The following SMG6 variants were observed in gnomAD, a reference collection of about 807,000 sequenced individuals.
SMG6 encodes the protein telomerase-binding protein EST1A.
In SMG6, 66 loss-of-function variants were observed where a neutral mutation model predicts 142.2. The observed-to-expected ratio is 0.46, with a 90% CI of 0.38 to 0.57. SMG6 has a LOEUF of 0.57. Ranked by LOEUF, SMG6 falls within the 20% of genes least tolerant of loss-of-function variation. The pLI, the probability that SMG6 is intolerant of heterozygous loss-of-function variation, is 0.00. For missense variants in SMG6, 1,793 were observed against 1,832.0 expected, an observed-to-expected ratio of 0.98 and a Z score of 0.39; for synonymous variants, 779 against 702.4, an observed-to-expected ratio of 1.11 and a Z score of -1.72.
chr17:2,085,383 T>C lies in SMG6; in HGVS notation c.3534+342A>G, dbSNP rs367706287. On this transcript the variant is annotated intron_variant, in intron 14 of 18. Coordinates refer to ENST00000263073, the MANE Select transcript of SMG6 (RefSeq NM_017575.5). This position sits in a 1 kb window ranked among gnomAD's most constrained non-coding sequence, Gnocchi z 4.1. Reference sequence around the variant, plus strand: ...GGCTGGAGTTCAGGCCTGTGCTGCATTGGGCTCCACACATCTATAAACTTG... The same window carrying C: ...GGCTGGAGTTCAGGCCTGTGCTGCACTGGGCTCCACACATCTATAAACTTG... 1.1e-4 allele frequency among the ~76,000 whole-genome samples: 16 copies of C among 152,294 alleles called. No homozygotes were observed. Among genetic ancestry groups the C allele is most frequent in the South Asian group, 8.3e-4 (4 of 4,830 alleles).
chr17:2,302,399 G>A (rs1310864912), intron 1 of SMG6, among the ~76,000 whole-genome samples: 2 of 152,182 alleles, frequency 1.3e-5, no homozygotes, highest in African/African-American at 4.8e-5. Flanking sequence ...AAATTAGCCA[G>A]GCGTGGTGGC....
intron 13 of SMG6, chr17:2,128,026 G>A (rs369139276): frequency 2.3e-6 from 1 of 441,502 alleles, no homozygotes; most frequent in Admixed American, 2.8e-5. Flanking sequence ...CCTACTCCCA[G>A]AAGAGCTGAA....
chr17:2,216,025 C>G (rs539409580), intron 10 of SMG6: 1 of 152,294 alleles, frequency 6.6e-6, no homozygotes, highest in African/African-American at 2.4e-5. Context: ...CAGTGCATCT[C>G]GCGCTCTCCC....
At chr17:2,094,647 A>C (rs2068809113) in intron 13 of SMG6, 1 of 152,138 alleles carries the variant, frequency 6.6e-6, no homozygotes, top group South Asian at 2.1e-4. Context: ...AGCCTCCCAA[A>C]GTGCTGGGAT....
Position 2,204,878 on chromosome 17 carries a change from G to A in SMG6, c.2870-16363C>T, listed in dbSNP as rs115003855. ...ATCAGGAGGCTTAGGAAGGAAGATCGCTTCAGCCTGGGAGGCAAAAGTTGC... is the reference window on the plus strand; with the variant it reads ...ATCAGGAGGCTTAGGAAGGAAGATCACTTCAGCCTGGGAGGCAAAAGTTGC... On this transcript the variant is annotated intron_variant, in intron 10 of 18. Coordinates refer to ENST00000263073, the MANE Select transcript of SMG6 (RefSeq NM_017575.5). Among the ~76,000 whole-genome samples the A allele has an allele frequency of 3.6e-3, 552 of 152,150 alleles. 7 individuals are homozygous for A. Among genetic ancestry groups the A allele is most frequent in the African/African-American group, 0.012 (513 of 41,514 alleles).
intron 8 of SMG6, among the ~76,000 whole-genome samples, chr17:2,277,348 A>G (rs964739368): frequency 6.6e-6 from 1 of 151,438 alleles, no homozygotes; most frequent in Admixed American, 6.6e-5. Flanking sequence ...TTGTATTTTT[A>G]GTAGAGACGA....
At chr17:2,087,256 G>A (rs1223815932) in intron 13 of SMG6, 1 of 1,285,852 alleles carries the variant, frequency 7.8e-7, no homozygotes, top group Non-Finnish European at 1.0e-6. Context: ...AAGCTCGGCT[G>A]GGTACCACAG....
At chr17:2,185,674 C>A (rs564992998) in intron 12 of SMG6, among the ~76,000 whole-genome samples, 1 of 149,650 alleles carries the variant, frequency 6.7e-6, no homozygotes, top group Non-Finnish European at 1.5e-5. Context: ...CGAGGGCAGG[C>A]TCATGGTGAG....
intron 15 of SMG6, among the ~76,000 whole-genome samples, chr17:2,081,109 G>C (rs1174674856): frequency 6.6e-6 from 1 of 152,198 alleles, no homozygotes; most frequent in Non-Finnish European, 1.5e-5. Flanking sequence ...AAGAAGCGGA[G>C]TGGGTGGCTT....
chr17:2,089,926 G>A (rs1335859148), intron 13 of SMG6, among the ~76,000 whole-genome samples: 1 of 152,072 alleles, frequency 6.6e-6, no homozygotes, highest in African/African-American at 2.4e-5. Context: ...GCTCACGAAT[G>A]TCATGTCAGC....
chr17:2,172,800 T>G lies in SMG6; in HGVS notation c.3215A>C (p.Asn1072Thr). Residue 1072 changes from asparagine (N) to threonine (T), a missense_variant, in exon 13 of 19, where the codon AAT becomes ACT. Around this residue, in one of 3 missense-constraint regions of SMG6, gnomAD observed 1,597 missense variants for 1,584.6 expected, o/e 1.01. Transcript: ENST00000263073. ...ADFCNILTAV[N>T]QSEVPLYKDP... ...CTTGTACAGTGGCACCTCAGACTGA[T>G]TCACTGCAGTCAGTATGTTACAGAA... 1 of 1,614,138 alleles carries G rather than the reference T, an allele frequency of 6.2e-7. No individual in the cohort carries two copies. The highest frequency in any genetic ancestry group is 8.5e-7 in the Non-Finnish European group (1 of 1,180,012).
At chr17:2,293,615 A>G (rs2075087096) in intron 4 of SMG6, among the ~76,000 whole-genome samples, 1 of 152,094 alleles carries the variant, frequency 6.6e-6, no homozygotes, top group Non-Finnish European at 1.5e-5. Flanking sequence ...GATGATAGGC[A>G]TGCGCCACCA....
chr17:2,128,947 A>C (rs921663767), intron 13 of SMG6, among the ~76,000 whole-genome samples: 1 of 152,198 alleles, frequency 6.6e-6, no homozygotes, highest in Non-Finnish European at 1.5e-5. Context: ...AATGAAAGAA[A>C]TATGTTATCT....
Position 2,299,046 on chromosome 17 carries a change from TA to T in SMG6, c.1706del (p.Val569GlufsTer5). ...GCTGCAGGTTCCTCATGTGCTGCTCTACCTCCTCGGGACTCATGGTGCTGGT... is the reference window on the plus strand; with the variant it reads ...GCTGCAGGTTCCTCATGTGCTGCTCTCCTCCTCGGGACTCATGGTGCTGGT... ...LPTSTMSPEE[V>X]EQHMRNLQQQ... On this transcript the variant is annotated frameshift_variant, in exon 2 of 19. Coordinates refer to ENST00000263073, the MANE Select transcript of SMG6 (RefSeq NM_017575.5). LOFTEE classifies it high-confidence loss of function. This position sits in a 1 kb window ranked among gnomAD's most constrained non-coding sequence, Gnocchi z 4.3. The T allele has an allele frequency of 6.2e-7, 1 of 1,614,226 alleles. No individual in the cohort carries two copies. The highest frequency in any genetic ancestry group is 8.5e-7 in the Non-Finnish European group (1 of 1,180,042).
intron 10 of SMG6, among the ~76,000 whole-genome samples, chr17:2,189,670 C>T (rs1030453809): frequency 9.2e-5 from 14 of 152,144 alleles, no homozygotes; most frequent in Non-Finnish European, 1.5e-5. Flanking sequence ...GTCAATGGGG[C>T]CCCATTGAAG....
chr17:2,289,047 C>A (rs1384690628), intron 6 of SMG6, among the ~76,000 whole-genome samples: 1 of 146,390 alleles, frequency 6.8e-6, no homozygotes, highest in Non-Finnish European at 1.5e-5. Flanking sequence ...CCACTGCACT[C>A]CAGCCTGGGC....
At chr17:2,163,482 A>G (rs982674297) in intron 13 of SMG6, among the ~76,000 whole-genome samples, 1 of 152,170 alleles carries the variant, frequency 6.6e-6, no homozygotes, top group African/African-American at 2.4e-5. Context: ...GCCAGGCACC[A>G]AATCTTCATT....
intron 13 of SMG6, among the ~76,000 whole-genome samples, chr17:2,170,946 A>G (rs565943658): frequency 6.6e-6 from 1 of 152,326 alleles, no homozygotes; most frequent in East Asian, 1.9e-4. Flanking sequence ...CCATATAAGA[A>G]TATATTAAAA....
chr17:2,277,416 T>C (rs1477194414), intron 8 of SMG6, among the ~76,000 whole-genome samples: 11 of 152,084 alleles, frequency 7.2e-5, no homozygotes, highest in South Asian at 4.1e-4. Context: ...TCCGCCCGCG[T>C]TGGCCTCCTA....
Sources: gnomAD v4.1 joint callset for allele counts (sites outside exome capture counted in the v4.1 genomes callset) on GRCh38, gnomAD v4.1.1 for gene constraint, gnomAD v4.1.1 regional missense constraint, Gnocchi (gnomAD v3.1) non-coding constraint, MANE v1.5 for transcripts, NCBI Gene and HGNC (gene_info 2026-07-23, HGNC 2026-07-21) for gene names.